The following USF3 variants were observed in gnomAD, a reference collection of about 807,000 sequenced individuals.
USF3 encodes the protein basic helix-loop-helix domain-containing protein USF3.
USF3 carries 29 observed loss-of-function variants against 157.5 expected under a neutral mutation model. The observed-to-expected ratio is 0.18, with a 90% confidence interval of 0.14 to 0.25. The LOEUF (loss-of-function observed/expected upper bound fraction) is 0.25, where lower values mean the gene tolerates loss of function less well. Among genes scored for constraint, USF3 ranks in the 10% least tolerant of loss-of-function variants. The probability of loss-of-function intolerance (pLI) is 1.00; values close to 1 mark genes in which losing one functional copy is unlikely to be tolerated. For missense variants in USF3, 2,381 were observed against 2,667.6 expected (o/e 0.89, Z 2.37); for synonymous variants, 893 against 941.4 (o/e 0.95, Z 0.94).
At chr3:113,677,903 C>T (rs952682886) in intron 1 of USF3, among the ~76,000 whole-genome samples, 3 of 152,040 alleles carry the variant, frequency 2.0e-5, no homozygotes, top group African/African-American at 7.2e-5. Flanking sequence ...AATTTGGGGG[C>T]TTCATTCCAA....
chr3:113,674,820 G>A lies in USF3; in HGVS notation c.47+12C>T. The A allele has an allele frequency of 6.2e-7, 1 of 1,610,636 alleles. No individual in the cohort carries two copies. Among genetic ancestry groups the A allele is most frequent in the Non-Finnish European group, 8.5e-7 (1 of 1,176,880 alleles). Reference sequence around the variant, plus strand: ...GCCCAAAGCATATTATATTGGGGCTGTGGATACATACCTGTGCTGCTTTTT... The same window carrying A: ...GCCCAAAGCATATTATATTGGGGCTATGGATACATACCTGTGCTGCTTTTT... On this transcript the variant is annotated intron_variant, in intron 3 of 6. Transcript: ENST00000316407.
At chr3:113,674,977 G>A (rs989750979) in intron 2 of USF3, 81 bp from the exon 3 acceptor site, 32 of 824,022 alleles carry the variant, frequency 3.9e-5, no homozygotes, top group Non-Finnish European at 6.6e-5. Context: ...AATTTGATTT[G>A]AATATTAAAA....
intron 4 of USF3, 51 bp from the exon 5 acceptor site, chr3:113,670,254 G>T: frequency 1.9e-6 from 2 of 1,054,586 alleles, no homozygotes; most frequent in Non-Finnish European, 3.0e-6. Flanking sequence ...TAGTCAAAGT[G>T]CCCTCATTCA....
rs1947223384 is a variant in USF3 at position 113,649,494 on chromosome 3, A to T, written c.*5450T>A. ...CTCTGAGTTTAACAGGAGTTTTGCT[A>T]CTAGGTTTTTTTTTTGTTTTTTGTT... On this transcript the variant is annotated 3_prime_UTR_variant, in exon 7 of 7. Coordinates refer to ENST00000316407, the MANE Select transcript of USF3 (RefSeq NM_001009899.4). 1 of 231,578 alleles carries T rather than the reference A, an allele frequency of 4.3e-6. No individual in the cohort carries two copies. The allele number at this position is 231,578 out of a possible 1,614,324, so 14.3% of individuals were successfully genotyped here. A position where few individuals can be genotyped will look rare whatever the true frequency, so the allele number is the denominator to read the frequency against.
chr3:113,670,626 GGGGAGC>G (rs1707131913), intron 4 of USF3, among the ~76,000 whole-genome samples: 1 of 151,986 alleles, frequency 6.6e-6, no homozygotes, highest in African/African-American at 2.4e-5. Context: ...GAAGGGGGAA[GGGGAGC>G]GGAAGGGGAA....
At chr3:113,683,200 T>G (rs898003974) in intron 1 of USF3, among the ~76,000 whole-genome samples, 3 of 151,906 alleles carry the variant, frequency 2.0e-5, no homozygotes, top group African/African-American at 7.3e-5. Flanking sequence ...ACAATCTAAC[T>G]CTGATTGTAA....
intron 2 of USF3, 146 bp downstream of exon 2, chr3:113,677,136 C>A (rs1707299785): frequency 6.6e-6 from 1 of 152,184 alleles, no homozygotes; most frequent in Non-Finnish European, 1.5e-5. Context: ...CCATGTCCAG[C>A]AGCTTATTCC....
chr3:113,669,656 A>G (rs990385855), intron 5 of USF3, among the ~76,000 whole-genome samples: 1 of 138,190 alleles, frequency 7.2e-6, no homozygotes, highest in Non-Finnish European at 1.7e-5. Context: ...CCTCATTATT[A>G]GAAGGAACAA....
intron 1 of USF3, among the ~76,000 whole-genome samples, chr3:113,685,077 A>T (rs927328030): frequency 2.6e-5 from 4 of 152,168 alleles, no homozygotes; most frequent in African/African-American, 9.7e-5. Context: ...ATTAGGGGGC[A>T]CTCCCAAGTC....
Position 113,655,365 on chromosome 3 carries a change from G to T in USF3, c.6317C>A (p.Thr2106Asn), listed in dbSNP as rs1947335397. 6.2e-7 allele frequency: 1 copy of T among 1,613,980 alleles called. No individual in the cohort carries two copies. The change falls in exon 7 of 7, where the codon ACT (threonine) becomes AAT (asparagine). Residue 2106 changes from threonine (T) to asparagine (N), a missense_variant. Transcript: ENST00000316407. ...GTATGGAGGATAGAAGGAGGGCAGA[G>T]TATTTTGCGGATCTACCGGGATGAG... is the stretch of plus-strand genomic sequence containing the variant. ...PALIPVDPQN[T>N]LPSFYPPYSP... is the part of the protein sequence containing the mutation.
chr3:113,652,928 C>T lies in USF3; in HGVS notation c.*2016G>A. ...GCCAAGATCCTGCCATTGTAGACTC[C>T]AGCCTGGGTGACAAAGTGACCTTGA... On this transcript the variant is annotated 3_prime_UTR_variant, in exon 7 of 7. Coordinates refer to ENST00000316407, the MANE Select transcript of USF3 (RefSeq NM_001009899.4). The T allele has an allele frequency of 1.5e-6, 1 of 665,186 alleles. No individual in the cohort carries two copies. 41.2% of individuals were successfully genotyped at this position (665,186 alleles called of 1,614,324 possible).
In USF3 at chr3:113,659,289, T is replaced by C. The variant is rs749035325; in HGVS notation, c.2393A>G (p.Lys798Arg). Residue 798 changes from lysine to arginine, a missense_variant, in exon 7 of 7, where the codon AAG becomes AGG. Transcript: ENST00000316407. ...TGCTAAGTGTTTCCTGCCACCTGGC[T>C]TCTTATTCAACCTTTTAGATTTCAT... ...PNMKSKRLNKKPGGRKHLAAN... is the reference protein window; with the variant it reads ...PNMKSKRLNKRPGGRKHLAAN... 7.4e-6 allele frequency: 12 copies of C among 1,614,244 alleles called. No homozygotes were observed. The South Asian group carries it at 1.3e-4, about 18-fold the overall frequency.
In USF3 at chr3:113,658,191, G is replaced by A; in HGVS notation, c.3491C>T (p.Pro1164Leu). 6.2e-7 allele frequency: 1 copy of A among 1,614,086 alleles called. No homozygotes were observed. The highest frequency in any genetic ancestry group is 8.5e-7 in the Non-Finnish European group (1 of 1,180,014). Residue 1164 changes from proline to leucine, a missense_variant, in exon 7 of 7, where the codon CCT becomes CTT. Coordinates refer to ENST00000316407, the MANE Select transcript of USF3 (RefSeq NM_001009899.4). ...QADIREVASK[P>L]SEASLLEGDP... is the part of the protein sequence containing the mutation. The stretch of plus-strand genomic sequence containing the variant: ...TCCCTCTAACAATGATGCTTCAGAA[G>A]GCTTTGAAGCAACTTCCCTTATATC...
At position 113,658,788 on chromosome 3, in the gene USF3, G is replaced by A. The variant is rs565537781; in HGVS notation, c.2894C>T (p.Thr965Ile). Residue 965 changes from threonine (T) to isoleucine (I), a missense_variant, in exon 7 of 7, where the codon ACA becomes ATA. Thr to Ile is a moderately conservative substitution (Grantham distance 89). This residue lies in a region of USF3 where 1,435 missense variants were observed against 1,550.9 expected (regional missense o/e 0.93). Coordinates refer to ENST00000316407, the MANE Select transcript of USF3 (RefSeq NM_001009899.4). ...VSQVPGLSST[T>I]STTSTDCVSE... ...AACACAGTCAGTACTTGTAGTGCTT[G>A]TTGTAGATGACAAACCAGGAACCTG... The A allele has an allele frequency of 3.1e-6, 5 of 1,614,168 alleles. No individual in the cohort carries two copies. Among genetic ancestry groups the A allele is most frequent in the Middle Eastern group, 1.6e-4 (1 of 6,062 alleles).
rs1343028500 is a variant in USF3, at chr3:113,658,465, C to A, written c.3217G>T (p.Val1073Phe). 2.5e-6 allele frequency: 4 copies of A among 1,613,996 alleles called. No homozygotes were observed. In the South Asian group the frequency reaches 4.4e-5, roughly 18 times the overall value. ...QHHSCLPDQE[V>F]INGSLINGRQ... ...CCGTTGATCAAAGAACCATTAATAA[C>A]CTCTTGATCAGGGAGGCAGGAATGA... The change falls in exon 7 of 7, where the codon GTT (valine) becomes TTT (phenylalanine). Residue 1073 changes from valine to phenylalanine, a missense_variant. By Grantham distance (50) the Val-to-Phe change is conservative. This residue lies in a region of USF3 where 1,435 missense variants were observed against 1,550.9 expected (regional missense o/e 0.93). Transcript: ENST00000316407.
Position 113,657,217 on chromosome 3 carries a change from A to G in USF3, c.4465T>C (p.Tyr1489His), listed in dbSNP as rs758523261. The change falls in exon 7 of 7, where the codon TAT becomes CAT. Residue 1489 changes from tyrosine to histidine, a missense_variant. Tyr to His is a moderately conservative substitution (Grantham distance 83, BLOSUM62 2). This residue lies in a region of USF3 where 50 missense variants were observed against 79.7 expected (regional missense o/e 0.63). Transcript: ENST00000316407. ...TGAGGTACATGATGCTGCATTTGAT[A>G]TAAGTGATGCCTCTCTCTTAACTGC... ...AGQLRERHHL[Y>H]QMQHHVPHAE... is the part of the protein sequence containing the mutation. 3.3e-5 allele frequency: 53 copies of G among 1,613,884 alleles called. No homozygotes were observed. The highest frequency in any genetic ancestry group is 2.6e-4 in the South Asian group (24 of 91,078).
intron 3 of USF3, 123 bp downstream of exon 3, chr3:113,674,709 A>G (rs1337749146): frequency 2.6e-6 from 2 of 769,380 alleles, no homozygotes; most frequent in Admixed American, 4.0e-5. Context: ...ATATTTTTGG[A>G]GAGTAATAAT....
In USF3 at chr3:113,660,667, C is replaced by T; in HGVS notation, c.1015G>A (p.Val339Ile). Residue 339 changes from valine (V) to isoleucine (I), a missense_variant, in exon 7 of 7, where the codon GTT becomes ATT. Val to Ile is a conservative substitution (Grantham distance 29, BLOSUM62 3). Coordinates refer to ENST00000316407, the MANE Select transcript of USF3 (RefSeq NM_001009899.4). ...GDFQNTFVVSVTTTVCSQPPR... is the reference protein window; with the variant it reads ...GDFQNTFVVSITTTVCSQPPR... Reference sequence around the variant, plus strand: ...GGCTGCGAGCAGACTGTGGTGGTAACTGAAACAACAAAAGTGTTTTGAAAA... The same window carrying T: ...GGCTGCGAGCAGACTGTGGTGGTAATTGAAACAACAAAAGTGTTTTGAAAA... 1 of 1,614,176 alleles carries T rather than the reference C, an allele frequency of 6.2e-7. No individual in the cohort carries two copies. Among genetic ancestry groups the T allele is most frequent in the Non-Finnish European group, 8.5e-7 (1 of 1,180,030 alleles).
chr3:113,682,349 AC>A (rs1349384954), intron 1 of USF3, among the ~76,000 whole-genome samples: 2 of 150,118 alleles, frequency 1.3e-5, no homozygotes, highest in East Asian at 4.0e-4. Context: ...AAACAAACAA[AC>A]AAAAAAAAAA....
Sources: gnomAD v4.1 joint callset for allele counts (sites outside exome capture counted in the v4.1 genomes callset) on GRCh38, gnomAD v4.1.1 for gene constraint, gnomAD v4.1.1 regional missense constraint, MANE v1.5 for transcripts, NCBI Gene and HGNC (gene_info 2026-07-23, HGNC 2026-07-21) for gene names.